Variants in PDK3 observed in about 807,000 individuals in gnomAD.
PDK3 encodes pyruvate dehydrogenase kinase, isozyme 3.
PDK3 carries 12 observed loss-of-function variants against 32.0 expected under a neutral mutation model. The observed-to-expected ratio is 0.37, with a 90% CI of 0.24 to 0.61. The LOEUF (loss-of-function observed/expected upper bound fraction) is 0.61. Among genes scored for constraint, PDK3 ranks in the 20% least tolerant of loss-of-function variants. PDK3 has a pLI of 0.65. For missense variants in PDK3, 188 were observed against 316.9 expected, an observed-to-expected ratio of 0.59 and a Z score of 3.09; for synonymous variants, 122 against 116.3, an observed-to-expected ratio of 1.05 and a Z score of -0.31.
intron 1 of PDK3, among the ~76,000 whole-genome samples, chrX:24,473,978 C>G (rs890343241): frequency 7.1e-5 from 8 of 112,059 alleles, no homozygotes; most frequent in African/African-American, 2.6e-4. Flanking sequence ...ATAGAACCTT[C>G]TGAATGTTGA....
At position 24,465,355 on chromosome X, in the gene PDK3, GGTGCGCGCTTCGCAAACGTGCCCTATCC is replaced by G; in HGVS notation, c.-95_-68del. 3.8e-6 allele frequency: 2 copies of G among 531,905 alleles called. No homozygotes were observed. Among genetic ancestry groups the G allele is most frequent in the Non-Finnish European group, 5.8e-6 (2 of 346,694 alleles). 43.8% of individuals were successfully genotyped at this position (531,905 alleles called of 1,213,427 possible). A position where few individuals can be genotyped will look rare whatever the true frequency, so the allele number is the denominator to read the frequency against. ...GCGCCGAGGCCGAGATCGAGGCCGG[GGTGCGCGCTTCGCAAACGTGCCCTATCC>G]GTGCGGCTTGGCTGCGCCAGCCCTT... On this transcript the variant is annotated 5_prime_UTR_variant, in exon 1 of 11. Transcript: ENST00000379162.
chrX:24,514,136 A>G (rs1197082654), intron 5 of PDK3, among the ~76,000 whole-genome samples: 2 of 112,293 alleles, frequency 1.8e-5, no homozygotes, highest in Non-Finnish European at 3.8e-5. Context: ...GGAAAATCTG[A>G]TGAAACAACC....
exon 12 of PDK3, among the ~76,000 whole-genome samples, chrX:24,545,243 C>T (rs900749885): frequency 8.9e-6 from 1 of 111,985 alleles, no homozygotes; most frequent in Non-Finnish European, 1.9e-5. Context: ...AACTGTGCCA[C>T]AGGTTTTCTT....
At chrX:24,504,416 A>G (rs1921932238) in intron 4 of PDK3, among the ~76,000 whole-genome samples, 1 of 112,120 alleles carries the variant, frequency 8.9e-6, no homozygotes, top group African/African-American at 3.2e-5. Context: ...ATGTTTTTAG[A>G]TCATTAGTTA....
chrX:24,533,115 C>CT lies in PDK3; in HGVS notation c.1078-805dup, dbSNP rs200409180. ...TCCCAAGCATTTCTTTCTTTCTTTT[C>CT]TTTTTTTTTGTTTCTTTCTTTTTCT... is the stretch of plus-strand genomic sequence containing the variant. On this transcript the variant is annotated intron_variant, in intron 10 of 10. Transcript: ENST00000379162. Among the ~76,000 whole-genome samples the CT allele has an allele frequency of 1.0e-3, 105 of 103,683 alleles. 1 individual carries two copies. In the East Asian group the frequency reaches 0.014, roughly 14 times the overall value. 90.0% of individuals were successfully genotyped at this position (103,683 alleles called of 115,157 possible).
Position 24,475,198 on chromosome X carries a change from T to C in PDK3, c.106+9637T>C, listed in dbSNP as rs768624962. 4.0e-3 allele frequency among the ~76,000 whole-genome samples: 446 copies of C among 110,919 alleles called. 2 individuals are homozygous for C. The highest frequency in any genetic ancestry group is 5.8e-3 in the Non-Finnish European group (308 of 52,934). On this transcript the variant is annotated intron_variant, in intron 1 of 10. Transcript: ENST00000379162. ...GTAAATGACAGATTTTTTTTTTTTT[T>C]CCCTGTAAGCAGTAGTTTTTCTGCT...
At position 24,465,612 on chromosome X, in the gene PDK3, G is replaced by T. The variant is rs774229433; in HGVS notation, c.106+51G>T. 2.2e-5 allele frequency: 20 copies of T among 928,561 alleles called. No homozygotes were observed. The African/African-American group carries it at 3.3e-4, about 15-fold the overall frequency. The allele number at this position is 928,561 out of a possible 1,213,427, so 76.5% of individuals were successfully genotyped here. Reference sequence around the variant, plus strand: ...TGGGCCCGGGGCCGCCGCCATTCGGGCTGCCACCCCGGATCTCCGCAGCTT... The same window carrying T: ...TGGGCCCGGGGCCGCCGCCATTCGGTCTGCCACCCCGGATCTCCGCAGCTT... On this transcript the variant is annotated intron_variant, in intron 1 of 10. Coordinates refer to ENST00000379162, the MANE Select transcript of PDK3 (RefSeq NM_005391.5).
At chrX:24,477,777 A>G (rs1329570302) in intron 1 of PDK3, among the ~76,000 whole-genome samples, 1 of 111,541 alleles carries the variant, frequency 9.0e-6, no homozygotes, top group Non-Finnish European at 1.9e-5. Context: ...AAGTTGCCCA[A>G]CAATTATTAA....
chrX:24,511,385 G>T (rs1456797068), intron 5 of PDK3, among the ~76,000 whole-genome samples: 1 of 111,833 alleles, frequency 8.9e-6, no homozygotes, highest in South Asian at 3.7e-4. Context: ...TAAGCAGTTG[G>T]ATGTTACGAG....
intron 4 of PDK3, among the ~76,000 whole-genome samples, chrX:24,504,227 T>C (rs1468242971): frequency 8.9e-6 from 1 of 112,401 alleles, no homozygotes; most frequent in African/African-American, 3.2e-5. Flanking sequence ...ATTTGATTTA[T>C]TTGGATAACT....
At chrX:24,480,335 G>A (rs1921221934) in intron 1 of PDK3, among the ~76,000 whole-genome samples, 1 of 111,939 alleles carries the variant, frequency 8.9e-6, no homozygotes, top group Non-Finnish European at 1.9e-5. Flanking sequence ...AAAAAATTGG[G>A]GATGCTTAAT....
intron 6 of PDK3, among the ~76,000 whole-genome samples, chrX:24,524,696 A>G (rs996014265): frequency 8.9e-6 from 1 of 112,059 alleles, no homozygotes; most frequent in African/African-American, 3.2e-5. Flanking sequence ...TTTGGGTTAC[A>G]GAACAGAATG....
downstream of PDK3, chrX:24,539,229 C>T (rs1182681149): frequency 4.1e-6 from 3 of 724,154 alleles, no homozygotes; most frequent in Non-Finnish European, 6.3e-6. Flanking sequence ...ACAGAGAGAA[C>T]TGCTTTCTCC....
intron 1 of PDK3, among the ~76,000 whole-genome samples, chrX:24,486,494 A>G (rs1351773174): frequency 1.8e-5 from 2 of 111,641 alleles, no homozygotes; most frequent in Non-Finnish European, 3.8e-5. Flanking sequence ...AGCATCTGTG[A>G]GTATCATAAT....
At chrX:24,468,674 ATGTGCAGTATTTT>A (rs1280651058) in intron 1 of PDK3, among the ~76,000 whole-genome samples, 1 of 112,186 alleles carries the variant, frequency 8.9e-6, no homozygotes, top group African/African-American at 3.2e-5. Flanking sequence ...CCTTTCATCT[ATGTGCAGTATTTT>A]TCTCTATGCT....
At chrX:24,502,525 G>C (rs912114560) in intron 3 of PDK3, among the ~76,000 whole-genome samples, 4 of 111,624 alleles carry the variant, frequency 3.6e-5, no homozygotes, top group African/African-American at 1.3e-4. Context: ...CCTGTGTTCT[G>C]TCTGCATTTC....
intron 1 of PDK3, among the ~76,000 whole-genome samples, chrX:24,490,709 T>C (rs1921533417): frequency 9.0e-6 from 1 of 110,700 alleles, no homozygotes; most frequent in South Asian, 3.8e-4. Flanking sequence ...CTTTTTACCT[T>C]CCTAAAATTG....
At chrX:24,470,826 C>G (rs746162111) in intron 1 of PDK3, among the ~76,000 whole-genome samples, 18 of 110,367 alleles carry the variant, frequency 1.6e-4, no homozygotes, top group Non-Finnish European at 3.0e-4. Context: ...TGTCCCCCCC[C>G]TTCTTCTTGA....
chrX:24,549,741 A>G (rs1308431966), exon 12 of PDK3: 1 of 112,160 alleles, frequency 8.9e-6, no homozygotes, highest in African/African-American at 3.2e-5. Flanking sequence ...ATTTGAGGTC[A>G]TAGTTGCTGC....
Sources: gnomAD v4.1 joint callset for allele counts (sites outside exome capture counted in the v4.1 genomes callset) on GRCh38, gnomAD v4.1.1 for gene constraint, MANE v1.5 for transcripts, NCBI Gene and HGNC (gene_info 2026-07-23, HGNC 2026-07-21) for gene names.